The following TNS3 variants were observed in gnomAD, a reference collection of about 807,000 sequenced individuals.
TNS3 encodes the protein tensin 3, also known as tensin-3.
In TNS3, 45 loss-of-function variants were observed where a neutral mutation model predicts 140.9. The observed-to-expected ratio is 0.32, with a 90% CI of 0.25 to 0.41. The LOEUF is 0.41. Among genes scored for constraint, TNS3 ranks in the 10% least tolerant of loss-of-function variants. The pLI is 1.00. For synonymous variants in TNS3, 815 were observed against 788.4 expected (o/e 1.03, Z -0.56); for missense variants, 1,716 against 1,906.7 (o/e 0.90, Z 1.86).
chr7:47,409,147 AGAG>A (rs996583449), intron 13 of TNS3, among the ~76,000 whole-genome samples: 33 of 152,278 alleles, frequency 2.2e-4, no homozygotes, highest in African/African-American at 7.9e-4. Flanking sequence ...AAGAAGGGCA[AGAG>A]GAGGAGGGAG....
intron 2 of TNS3, among the ~76,000 whole-genome samples, chr7:47,526,021 T>A (rs1799178806): frequency 1.3e-5 from 2 of 152,168 alleles, no homozygotes; most frequent in Admixed American, 1.3e-4. Flanking sequence ...ATCCTCCAGA[T>A]AAAGAAAGAA....
intron 10 of TNS3, among the ~76,000 whole-genome samples, chr7:47,422,705 G>A (rs560821218): frequency 6.6e-5 from 10 of 152,046 alleles, no homozygotes; most frequent in African/African-American, 9.6e-5. Flanking sequence ...TGCTGGTGCC[G>A]TAAGAAATAA....
intron 1 of TNS3, among the ~76,000 whole-genome samples, chr7:47,574,643 ACACACCCC>A (rs1800633741): frequency 2.0e-5 from 3 of 151,794 alleles, no homozygotes; most frequent in African/African-American, 7.3e-5. Context: ...ACACACACAC[ACACACCCC>A]CACACACACG....
intron 3 of TNS3, among the ~76,000 whole-genome samples, chr7:47,499,566 T>C (rs1171105418): frequency 1.3e-5 from 2 of 151,962 alleles, no homozygotes; most frequent in African/African-American, 4.8e-5. Flanking sequence ...AGCCAAGAAA[T>C]GACAGGGAAG....
At chr7:47,366,782 A>G (rs1400297452) in intron 17 of TNS3, among the ~76,000 whole-genome samples, 1 of 152,226 alleles carries the variant, frequency 6.6e-6, no homozygotes, top group African/African-American at 2.4e-5. Flanking sequence ...CACGACTGTA[A>G]GGCAGAGACT....
In TNS3 at chr7:47,293,055, T is replaced by C. The variant is rs1210185583; in HGVS notation, c.3773-150A>G. The C allele has an allele frequency of 4.8e-6, 3 of 628,212 alleles. No homozygotes were observed. The East Asian group carries it at 8.5e-5, about 18-fold the overall frequency. The allele number at this position is 628,212 out of a possible 1,614,324, so 38.9% of individuals were successfully genotyped here. A position where few individuals can be genotyped will look rare whatever the true frequency, so the allele number is the denominator to read the frequency against. On this transcript the variant is annotated intron_variant, in intron 25 of 30. Coordinates refer to ENST00000311160, the MANE Select transcript of TNS3 (RefSeq NM_022748.12). ...TGTTAGATTAGTGTGCAGCTTTGTG[T>C]AAAACTTCAAAGAAGTATAAAGTTC...
intron 10 of TNS3, among the ~76,000 whole-genome samples, chr7:47,419,880 AC>A (rs996825896): frequency 6.6e-6 from 1 of 151,002 alleles, no homozygotes; most frequent in Non-Finnish European, 1.5e-5. Flanking sequence ...TTCCCTAGCC[AC>A]CCCCTTCTCC....
chr7:47,415,920 G>T (rs975182641), intron 10 of TNS3, among the ~76,000 whole-genome samples: 2 of 152,202 alleles, frequency 1.3e-5, no homozygotes, highest in African/African-American at 4.8e-5. Context: ...CTGACTGCTG[G>T]GGTCCTCATG....
intron 3 of TNS3, among the ~76,000 whole-genome samples, chr7:47,501,633 C>T (rs956617573): frequency 6.6e-6 from 1 of 152,108 alleles, no homozygotes; most frequent in African/African-American, 2.4e-5. Flanking sequence ...GCAGCAGCTC[C>T]CACAGCCTCC....
chr7:47,470,454 T>C (rs1796904750), intron 4 of TNS3: 3 of 985,476 alleles, frequency 3.0e-6, no homozygotes, highest in Non-Finnish European at 3.6e-6. Context: ...TGATTTTTCT[T>C]GTCTGCTGCA....
chr7:47,499,007 A>G (rs1248165300), intron 3 of TNS3, among the ~76,000 whole-genome samples: 1 of 152,278 alleles, frequency 6.6e-6, no homozygotes, highest in Non-Finnish European at 1.5e-5. Context: ...TTCGAGTCCA[A>G]GAAAGGCCTA....
At chr7:47,468,046 TA>T (rs1040089627) in intron 4 of TNS3, among the ~76,000 whole-genome samples, 241 of 148,640 alleles carry the variant, frequency 1.6e-3, no homozygotes, top group African/African-American at 4.1e-3. Flanking sequence ...TGCAGACATT[TA>T]AAAAAAAAAA....
chr7:47,383,599 A>G (rs1029430287), intron 16 of TNS3, among the ~76,000 whole-genome samples: 3 of 152,192 alleles, frequency 2.0e-5, no homozygotes, highest in Non-Finnish European at 4.4e-5. Flanking sequence ...TCAGGCTAGA[A>G]ACCACATGGT....
intron 20 of TNS3, among the ~76,000 whole-genome samples, chr7:47,306,562 A>G (rs944397727): frequency 2.0e-5 from 3 of 151,752 alleles, no homozygotes; most frequent in Non-Finnish European, 4.4e-5. Flanking sequence ...TTCTTTTCCT[A>G]AGGAAACCTT....
intron 30 of TNS3, 128 bp from the exon 31 acceptor site, chr7:47,278,348 C>T: frequency 9.2e-7 from 1 of 1,089,278 alleles, no homozygotes; most frequent in East Asian, 2.6e-5. Flanking sequence ...AACCACGTGC[C>T]CAGCACCCTG....
At chr7:47,486,583 G>A (rs1406013176) in intron 3 of TNS3, among the ~76,000 whole-genome samples, 5 of 152,168 alleles carry the variant, frequency 3.3e-5, no homozygotes, top group African/African-American at 1.2e-4. Context: ...ACAGGGCCTC[G>A]GGTGCAGATC....
intron 8 of TNS3, 112 bp downstream of exon 8, chr7:47,435,170 A>G: frequency 7.1e-7 from 1 of 1,405,106 alleles, no homozygotes; most frequent in Non-Finnish European, 9.6e-7. Flanking sequence ...CATAAGGAGC[A>G]CATCGCACCA....
intron 8 of TNS3, among the ~76,000 whole-genome samples, chr7:47,431,153 C>G (rs972008041): frequency 6.6e-6 from 1 of 152,100 alleles, no homozygotes; most frequent in African/African-American, 2.4e-5. Flanking sequence ...GAAAAAAAGT[C>G]AGAAGAGAGA....
At chr7:47,492,344 G>A (rs1797845742) in intron 3 of TNS3, among the ~76,000 whole-genome samples, 1 of 152,250 alleles carries the variant, frequency 6.6e-6, no homozygotes, top group Admixed American at 6.5e-5. Context: ...CATATCGGCA[G>A]GCTGCCCTGC....
Sources: allele counts gnomAD v4.1 joint callset (sites outside exome capture counted in the v4.1 genomes callset), GRCh38; gene constraint gnomAD v4.1.1; transcripts MANE v1.5; gene names NCBI Gene and HGNC (gene_info 2026-07-23, HGNC 2026-07-21).